CAMTA1: variants seen among roughly 807,000 people sequenced by gnomAD.
CAMTA1 encodes calmodulin-binding transcription activator 1.
In CAMTA1, 27 loss-of-function variants were observed where a neutral mutation model predicts 170.9. The observed-to-expected ratio is 0.16, with a 90% CI of 0.12 to 0.22. CAMTA1 has a LOEUF of 0.22. Ranked by LOEUF, CAMTA1 falls within the 10% of genes least tolerant of loss-of-function variation. The pLI is 1.00. For missense variants in CAMTA1, 1,619 were observed against 2,217.2 expected (o/e 0.73, Z 5.42); for synonymous variants, 833 against 891.5 (o/e 0.93, Z 1.17).
intron 6 of CAMTA1, among the ~76,000 whole-genome samples, chr1:7,574,639 G>C (rs1428044901): frequency 6.6e-6 from 1 of 152,134 alleles, no homozygotes; most frequent in African/African-American, 2.4e-5. Flanking sequence ...GCTTCCTCTC[G>C]ACGCGATGCA....
intron 5 of CAMTA1, among the ~76,000 whole-genome samples, chr1:7,287,718 T>C (rs1283418960): frequency 1.3e-5 from 2 of 152,220 alleles, no homozygotes; most frequent in Non-Finnish European, 2.9e-5. Context: ...CTCACTCACA[T>C]TGCAACTCTT....
At chr1:7,072,530 A>G (rs1194685978) in intron 3 of CAMTA1, among the ~76,000 whole-genome samples, 1 of 152,230 alleles carries the variant, frequency 6.6e-6, no homozygotes, top group African/African-American at 2.4e-5. Flanking sequence ...TCTGCATTCC[A>G]GTGAGGACTA....
At chr1:7,510,410 C>A (rs962427389) in intron 6 of CAMTA1, among the ~76,000 whole-genome samples, 2 of 145,614 alleles carry the variant, frequency 1.4e-5, no homozygotes, top group African/African-American at 2.5e-5. Flanking sequence ...CCTTGCTTCG[C>A]CCCTGGGGGC....
At chr1:7,408,212 C>CA (rs397940013) in intron 5 of CAMTA1, among the ~76,000 whole-genome samples, 2 of 56 alleles carry the variant, frequency 0.036, no homozygotes, top group Non-Finnish European at 0.067. Context: ...GGGCCCCCGG[C>CA]AAGCCTGGCG....
chr1:7,382,832 A>ATAGG (rs2087488905), intron 5 of CAMTA1: 1 of 92,214 alleles, frequency 1.1e-5, no homozygotes, highest in African/African-American at 4.3e-5. Context: ...TTCCTAGATG[A>ATAGG]TAGATAGATA....
intron 9 of CAMTA1, among the ~76,000 whole-genome samples, chr1:7,668,787 G>A (rs2096027224): frequency 6.6e-6 from 1 of 152,136 alleles, no homozygotes; most frequent in Non-Finnish European, 1.5e-5. Context: ...CCCGGCAGCA[G>A]CCCCAGCCTC....
At chr1:7,294,442 A>T (rs1673625248) in intron 5 of CAMTA1, among the ~76,000 whole-genome samples, 1 of 152,206 alleles carries the variant, frequency 6.6e-6, no homozygotes, top group African/African-American at 2.4e-5. Context: ...GGTGTCTGCA[A>T]GACAAAGGAG....
intron 6 of CAMTA1, among the ~76,000 whole-genome samples, chr1:7,490,374 G>A (rs547580337): frequency 6.6e-6 from 1 of 152,178 alleles, no homozygotes; most frequent in Non-Finnish European, 1.5e-5. Context: ...GTGATTGGCC[G>A]GGCGCGATGG....
At chr1:7,569,293 C>G (rs953627051) in intron 6 of CAMTA1, among the ~76,000 whole-genome samples, 1 of 149,380 alleles carries the variant, frequency 6.7e-6, no homozygotes, top group African/African-American at 2.5e-5. Context: ...ATCACCACCA[C>G]CAACCATCAT....
At chr1:7,193,559 A>G (rs1654947463) in intron 4 of CAMTA1, among the ~76,000 whole-genome samples, 1 of 151,638 alleles carries the variant, frequency 6.6e-6, no homozygotes, top group Non-Finnish European at 1.5e-5. Flanking sequence ...ACATGAGGGG[A>G]GGGGATGGGA....
chr1:6,838,923 C>T (rs764458534), intron 3 of CAMTA1, among the ~76,000 whole-genome samples: 12 of 152,034 alleles, frequency 7.9e-5, no homozygotes, highest in Non-Finnish European at 1.5e-4. Flanking sequence ...TGCCTGGCAA[C>T]GTTTTTTATT....
At chr1:6,850,663 A>G (rs567242226) in intron 3 of CAMTA1, among the ~76,000 whole-genome samples, 45 of 152,344 alleles carry the variant, frequency 3.0e-4, no homozygotes, top group African/African-American at 1.1e-3. Flanking sequence ...GGGCGTGGTG[A>G]TGAGGTAGGG....
chr1:7,133,779 C>G (rs1645392754), intron 4 of CAMTA1, among the ~76,000 whole-genome samples: 1 of 152,278 alleles, frequency 6.6e-6, no homozygotes, highest in South Asian at 2.1e-4. Flanking sequence ...GGTTACTACT[C>G]CCATGTGGCC....
intron 3 of CAMTA1, among the ~76,000 whole-genome samples, chr1:6,907,318 G>A (rs1270658905): frequency 6.6e-6 from 1 of 152,122 alleles, no homozygotes; most frequent in Non-Finnish European, 1.5e-5. Context: ...TTTGTTGTAA[G>A]GAGACATGGC....
intron 5 of CAMTA1, among the ~76,000 whole-genome samples, chr1:7,391,501 A>G (rs984139789): frequency 1.3e-5 from 2 of 152,144 alleles, no homozygotes; most frequent in African/African-American, 2.4e-5. Flanking sequence ...ACTTCTGGAG[A>G]TACAATTAAC....
At position 7,499,946 on chromosome 1, in the gene CAMTA1, G is replaced by A. The variant is rs577054887; in HGVS notation, c.510+32045G>A. On this transcript the variant is annotated intron_variant, in intron 6 of 22. Coordinates refer to ENST00000303635, the MANE Select transcript of CAMTA1 (RefSeq NM_015215.4). ...GAGTGAGTGTGCAGAGAGGATGAGT[G>A]TGTGGAGAGGACTGTGTGAGCCTGG... Among the ~76,000 whole-genome samples the A allele has an allele frequency of 6.8e-5, 10 of 146,802 alleles. No individual in the cohort carries two copies. In the East Asian group the frequency reaches 2.1e-3, roughly 32 times the overall value.
At position 7,472,035 on chromosome 1, in the gene CAMTA1, G is replaced by A. The variant is rs114666349; in HGVS notation, c.510+4134G>A. ...CTAAAATGCTTAATGACTGCTTTCCGTGCTCGAGTGAAGCGGGGGTGTGTC... is the reference window on the plus strand; with the variant it reads ...CTAAAATGCTTAATGACTGCTTTCCATGCTCGAGTGAAGCGGGGGTGTGTC... On this transcript the variant is annotated intron_variant, in intron 6 of 22. Transcript: ENST00000303635. 8.9e-4 allele frequency among the ~76,000 whole-genome samples: 135 copies of A among 152,308 alleles called. 1 individual carries two copies. Among genetic ancestry groups the A allele is most frequent in the Non-Finnish European group, 1.5e-3 (104 of 68,042 alleles).
chr1:7,245,235 T>C (rs1447148902), intron 4 of CAMTA1, among the ~76,000 whole-genome samples: 3 of 150,990 alleles, frequency 2.0e-5, no homozygotes, highest in Non-Finnish European at 1.5e-5. Flanking sequence ...CACACATACA[T>C]ACATACATAC....
At chr1:7,408,993 TC>T (rs1222573446) in intron 5 of CAMTA1, among the ~76,000 whole-genome samples, 1 of 152,164 alleles carries the variant, frequency 6.6e-6, no homozygotes, top group Non-Finnish European at 1.5e-5. Context: ...ACTCCTCCTG[TC>T]CCAGCCTCCC....
Sources: gnomAD v4.1 joint callset for allele counts (sites outside exome capture counted in the v4.1 genomes callset) on GRCh38, gnomAD v4.1.1 for gene constraint, MANE v1.5 for transcripts, NCBI Gene and HGNC (gene_info 2026-07-23, HGNC 2026-07-21) for gene names.